PTP4A3: variants seen among roughly 807,000 people sequenced by gnomAD.
PTP4A3 encodes protein tyrosine phosphatase 4A3, also known as protein tyrosine phosphatase type IVA 3.
PTP4A3 carries 9 observed loss-of-function variants against 15.2 expected under a neutral mutation model. The observed-to-expected ratio is 0.59, with a 90% CI of 0.36 to 1.03. The LOEUF is 1.03. Among genes scored for constraint, PTP4A3 ranks in the 50% least tolerant of loss-of-function variants. PTP4A3 has a pLI of 0.02. For synonymous variants in PTP4A3, 95 were observed against 102.0 expected (o/e 0.93, Z 0.41); for missense variants, 234 against 252.1 (o/e 0.93, Z 0.49).
At position 141,422,181 on chromosome 8, in the gene PTP4A3, G is replaced by A; in HGVS notation, c.-60G>A. ...TTGGGGGTGTGTGGGGACTTCTCAG[G>A]TCGTGTCCCCAGCCTTCTCTGCAGT... On this transcript the variant is annotated 5_prime_UTR_variant, in exon 2 of 6. Coordinates refer to ENST00000521578, the MANE Select transcript of PTP4A3 (RefSeq NM_032611.3). The A allele has an allele frequency of 6.5e-7, 1 of 1,550,300 alleles. No individual in the cohort carries two copies. The highest frequency in any genetic ancestry group is 1.1e-5 in the South Asian group (1 of 89,390).
chr8:141,408,445 C>G (rs1294322451), intron 1 of PTP4A3, among the ~76,000 whole-genome samples: 2 of 152,126 alleles, frequency 1.3e-5, no homozygotes, highest in Non-Finnish European at 2.9e-5. Context: ...ATGGCGAAAC[C>G]CTGTCTCTAC....
chr8:141,411,576 A>C (rs978989729), intron 1 of PTP4A3, among the ~76,000 whole-genome samples: 1 of 152,228 alleles, frequency 6.6e-6, no homozygotes, highest in African/African-American at 2.4e-5. Context: ...CAAGAGGCCT[A>C]CGTGCATGCC....
At chr8:141,423,805 A>T (rs1312516805) in intron 2 of PTP4A3, among the ~76,000 whole-genome samples, 6 of 151,712 alleles carry the variant, frequency 4.0e-5, no homozygotes, top group African/African-American at 1.5e-4. Flanking sequence ...GGGAGGGCTC[A>T]TCCTGTGACC....
intron 1 of PTP4A3, among the ~76,000 whole-genome samples, chr8:141,408,733 G>A (rs776930919): frequency 6.6e-6 from 1 of 152,218 alleles, no homozygotes; most frequent in African/African-American, 2.4e-5. Flanking sequence ...GCTCTCAGAA[G>A]TCCGTAAAAT....
intron 1 of PTP4A3, among the ~76,000 whole-genome samples, chr8:141,420,790 A>C (rs1358211007): frequency 6.6e-6 from 1 of 152,206 alleles, no homozygotes; most frequent in Non-Finnish European, 1.5e-5. Context: ...TTTCTGCAGA[A>C]AGCAAGAGGC....
At chr8:141,427,897 C>T (rs954525632) in intron 5 of PTP4A3, 73 bp downstream of exon 5, 26 of 1,385,318 alleles carry the variant, frequency 1.9e-5, no homozygotes, top group Middle Eastern at 3.7e-4. Context: ...CGAAGGGTGG[C>T]GGCATTGGCT....
chr8:141,395,872 G>A (rs1257524631), intron 1 of PTP4A3, among the ~76,000 whole-genome samples: 2 of 152,208 alleles, frequency 1.3e-5, no homozygotes, highest in Admixed American at 1.3e-4. Context: ...CAGATGTAGG[G>A]GTGCCCTCAT....
At chr8:141,402,171 G>A (rs1281452488) in intron 1 of PTP4A3, among the ~76,000 whole-genome samples, 1 of 152,202 alleles carries the variant, frequency 6.6e-6, no homozygotes, top group African/African-American at 2.4e-5. Flanking sequence ...GTCTGAGGCT[G>A]CAAGGTGTGG....
intron 5 of PTP4A3, among the ~76,000 whole-genome samples, chr8:141,428,899 C>T (rs1397079418): frequency 2.6e-5 from 4 of 152,210 alleles, no homozygotes; most frequent in African/African-American, 7.2e-5. Flanking sequence ...CATGTACACA[C>T]GTGTGCACTC....
At chr8:141,402,733 C>G (rs1832624688) in intron 1 of PTP4A3, among the ~76,000 whole-genome samples, 1 of 152,010 alleles carries the variant, frequency 6.6e-6, no homozygotes, top group Admixed American at 6.5e-5. Context: ...CCCCCCACCC[C>G]TCCCCCCTGC....
chr8:141,422,015 T>G lies in PTP4A3; in HGVS notation c.-226T>G, dbSNP rs796853346. 5.8e-5 allele frequency: 29 copies of G among 500,912 alleles called. No homozygotes were observed. Among genetic ancestry groups the G allele is most frequent in the African/African-American group, 5.6e-4 (28 of 50,096 alleles). 31.0% of individuals were successfully genotyped at this position (500,912 alleles called of 1,614,324 possible). A position where few individuals can be genotyped will look rare whatever the true frequency, so the allele number is the denominator to read the frequency against. On this transcript the variant is annotated 5_prime_UTR_variant, in exon 2 of 6. Coordinates refer to ENST00000521578, the MANE Select transcript of PTP4A3 (RefSeq NM_032611.3). ...TCCTTTTCTTTTTTAAGAGTTGGGT[T>G]TTCTTTTTTAATTATCCAAACAGTG...
intron 1 of PTP4A3, among the ~76,000 whole-genome samples, chr8:141,420,275 G>A (rs2130118662): frequency 6.6e-6 from 1 of 152,294 alleles, no homozygotes; most frequent in South Asian, 2.1e-4. Context: ...GCTAACAGCT[G>A]GGTCACAGCC....
At chr8:141,403,833 G>A (rs1400991575) in intron 1 of PTP4A3, among the ~76,000 whole-genome samples, 3 of 152,244 alleles carry the variant, frequency 2.0e-5, no homozygotes, top group Non-Finnish European at 2.9e-5. Flanking sequence ...GATCACAAAC[G>A]TGGCGGCTTC....
In PTP4A3 at chr8:141,425,819, C is replaced by T. The variant is rs1399924451; in HGVS notation, c.198+679C>T. On this transcript the variant is annotated intron_variant, in intron 3 of 5. Transcript: ENST00000521578. This position sits in a 1 kb window ranked among gnomAD's most constrained non-coding sequence, Gnocchi z 4.2. ...TTTGGCTGGGGTTGCAGTTTTGTGA[C>T]CTCAGCTTGGCGGTTTGGAATGGTG... is the stretch of plus-strand genomic sequence containing the variant. Among the ~76,000 whole-genome samples, 2 of 152,194 alleles carry T rather than the reference C, an allele frequency of 1.3e-5. No homozygotes were observed. Among genetic ancestry groups the T allele is most frequent in the South Asian group, 2.1e-4 (1 of 4,836 alleles).
At chr8:141,413,551 A>AGGTG (rs1168174198) in intron 1 of PTP4A3, among the ~76,000 whole-genome samples, 1 of 151,828 alleles carries the variant, frequency 6.6e-6, no homozygotes, top group Non-Finnish European at 1.5e-5. Flanking sequence ...TGCTGCTGGC[A>AGGTG]GGTGTGTTAT....
Position 141,425,196 on chromosome 8 carries a change from C to CGGGGGGGGGGTGGGGGGGGG in PTP4A3, c.198+62_198+63insGGGGTGGGGGGGGGGGGGGG. 1 of 361,476 alleles carries CGGGGGGGGGGTGGGGGGGGG rather than the reference C, an allele frequency of 2.8e-6. No homozygotes were observed. The highest frequency in any genetic ancestry group is 6.7e-5 in the East Asian group (1 of 14,870). The allele number at this position is 361,476 out of a possible 1,614,324, so 22.4% of individuals were successfully genotyped here. A position where few individuals can be genotyped will look rare whatever the true frequency, so the allele number is the denominator to read the frequency against. ...CTGCTGCCACCGGGGGAGGGTGGGG[C>CGGGGGGGGGGTGGGGGGGGG]GGGGGGCTCCGGGCCTGCGCAGAGG... is the stretch of plus-strand genomic sequence containing the variant. On this transcript the variant is annotated intron_variant, in intron 3 of 5. Transcript: ENST00000521578. This position sits in a 1 kb window ranked among gnomAD's most constrained non-coding sequence, Gnocchi z 4.2.
chr8:141,427,159 C>A, intron 4 of PTP4A3, 90 bp downstream of exon 4: 1 of 1,529,572 alleles, frequency 6.5e-7, no homozygotes, highest in Non-Finnish European at 8.8e-7. Context: ...GGGTCTTGAA[C>A]ACACGTCCAC....
chr8:141,399,987 A>G (rs116521298), intron 1 of PTP4A3, among the ~76,000 whole-genome samples: 1,922 of 152,320 alleles, frequency 0.013, 44 homozygotes, highest in African/African-American at 0.043. Context: ...GCTCACTGCA[A>G]ACCTCCGCTT....
rs7812698 is a variant in PTP4A3, at chr8:141,428,268, C to G, written c.404+444C>G. Reference sequence around the variant, plus strand: ...GTCTAGCTGCTCACCACCCCTCCCCCCAACCCCGAGCTCTCCAGCTCAGCC... The same window carrying G: ...GTCTAGCTGCTCACCACCCCTCCCCGCAACCCCGAGCTCTCCAGCTCAGCC... On this transcript the variant is annotated intron_variant, in intron 5 of 5. Transcript: ENST00000521578. Among the ~76,000 whole-genome samples the G allele has an allele frequency of 1.0e-3, 154 of 152,130 alleles. 1 individual carries two copies. Among genetic ancestry groups the G allele is most frequent in the African/African-American group, 3.6e-3 (151 of 41,502 alleles).
Sources: allele counts gnomAD v4.1 joint callset (sites outside exome capture counted in the v4.1 genomes callset), GRCh38; gene constraint gnomAD v4.1.1; non-coding constraint Gnocchi (gnomAD v3.1); transcripts MANE v1.5; gene names NCBI Gene and HGNC (gene_info 2026-07-23, HGNC 2026-07-21).